LOC400499: variants seen among roughly 807,000 people sequenced by gnomAD.
At chr16:11,447,028 G>T in the LOC400499 span, 1 of 1,222,864 alleles carries the variant, frequency 8.2e-7, no homozygotes, top group African/African-American at 1.5e-5. Context: ...TTAAGACTCT[G>T]CCACAGAGAA....
chr16:11,422,173 G>A, the LOC400499 span, among the ~76,000 whole-genome samples: 1 of 152,324 alleles, frequency 6.6e-6, no homozygotes, highest in South Asian at 2.1e-4. Context: ...GGCCGAAACG[G>A]GCCGATCACT....
At chr16:11,399,374 C>G in the LOC400499 span, 1 of 738,996 alleles carries the variant, frequency 1.4e-6, no homozygotes, top group Non-Finnish European at 1.9e-6. Flanking sequence ...CCCGCAAGCA[C>G]TGGAACCCAG....
chr16:11,374,549 C>T, the LOC400499 span, among the ~76,000 whole-genome samples: 9 of 152,178 alleles, frequency 5.9e-5, no homozygotes, highest in Non-Finnish European at 1.2e-4. Flanking sequence ...ACTTATTACT[C>T]GAGGTCCTTC....
the LOC400499 span, among the ~76,000 whole-genome samples, chr16:11,456,043 ATT>A: frequency 1.4e-5 from 2 of 142,390 alleles, no homozygotes; most frequent in Non-Finnish European, 3.0e-5. Flanking sequence ...CGTGGATAAA[ATT>A]TTTTTTTTTT....
At chr16:11,419,294 C>T in the LOC400499 span, among the ~76,000 whole-genome samples, 77 of 152,028 alleles carry the variant, frequency 5.1e-4, 1 homozygote, top group African/African-American at 1.8e-3. Flanking sequence ...GAAATAACGC[C>T]GCTTATCTAC....
the LOC400499 span, chr16:11,446,490 G>A: frequency 4.1e-6 from 6 of 1,452,934 alleles, no homozygotes; most frequent in Non-Finnish European, 5.6e-6. Flanking sequence ...ATTGAGCGAT[G>A]ACAGCAACTT....
chr16:11,384,223 G>GCCAGGCTGAGCTCCT, the LOC400499 span: 4 of 1,231,634 alleles, frequency 3.2e-6, no homozygotes, highest in African/African-American at 6.2e-5. Flanking sequence ...CACCTGCCAG[G>GCCAGGCTGAGCTCCT]CCAGGCTGAG....
chr16:11,523,102 C>T, the LOC400499 span, among the ~76,000 whole-genome samples: 1 of 152,304 alleles, frequency 6.6e-6, no homozygotes, highest in South Asian at 2.1e-4. Context: ...TCATCTGCTC[C>T]ACTCCAAAAT....
the LOC400499 span, chr16:11,385,063 G>C: frequency 8.1e-7 from 1 of 1,231,798 alleles, no homozygotes; most frequent in African/African-American, 1.6e-5. Flanking sequence ...ACAGCCTGTA[G>C]GCCTGTGGGC....
At chr16:11,413,635 G>A in the LOC400499 span, among the ~76,000 whole-genome samples, 1 of 152,158 alleles carries the variant, frequency 6.6e-6, no homozygotes, top group East Asian at 1.9e-4. Flanking sequence ...AACTTGCTAG[G>A]TGACCTTGGG....
the LOC400499 span, among the ~76,000 whole-genome samples, chr16:11,506,020 C>T: frequency 6.6e-6 from 1 of 151,952 alleles, no homozygotes; most frequent in South Asian, 2.1e-4. Flanking sequence ...TATGCTAAAA[C>T]AACTTTATTT....
the LOC400499 span, among the ~76,000 whole-genome samples, chr16:11,378,229 G>C: frequency 6.8e-6 from 1 of 146,282 alleles, no homozygotes; most frequent in Non-Finnish European, 1.5e-5. Flanking sequence ...GTGTCACTGT[G>C]CCTGGCTGCT....
At chr16:11,391,602 C>G in the LOC400499 span, 2 of 1,212,980 alleles carry the variant, frequency 1.6e-6, no homozygotes, top group East Asian at 6.3e-5. Flanking sequence ...GCGCTTAGGG[C>G]CCCGGTGGAG....
chr16:11,412,762 G>A, the LOC400499 span: 4 of 397,894 alleles, frequency 1.0e-5, no homozygotes, highest in African/African-American at 2.1e-5. Flanking sequence ...GAGAGGTGCT[G>A]TGTCCAGCGA....
At chr16:11,394,266 G>A in the LOC400499 span, among the ~76,000 whole-genome samples, 3 of 152,240 alleles carry the variant, frequency 2.0e-5, no homozygotes, top group Admixed American at 6.5e-5. Flanking sequence ...GGCACGGCAG[G>A]GACCAGGACA....
chr16:11,423,276 G>A, the LOC400499 span: 3 of 399,016 alleles, frequency 7.5e-6, no homozygotes, highest in Non-Finnish European at 1.3e-5. Context: ...CCAGTGGGTG[G>A]GAAGGGGCTG....
the LOC400499 span, among the ~76,000 whole-genome samples, chr16:11,466,752 C>A: frequency 6.6e-6 from 1 of 152,070 alleles, no homozygotes; most frequent in African/African-American, 2.4e-5. Context: ...GTTCTATACC[C>A]TTTCATAGCT....
the LOC400499 span, among the ~76,000 whole-genome samples, chr16:11,504,258 T>A: frequency 6.6e-6 from 1 of 152,122 alleles, no homozygotes; most frequent in African/African-American, 2.4e-5. Flanking sequence ...GGCTCCTGCC[T>A]AGAAATCAAG....
At chr16:11,408,034 G>A in the LOC400499 span, among the ~76,000 whole-genome samples, 4 of 128,158 alleles carry the variant, frequency 3.1e-5, no homozygotes, top group Admixed American at 2.8e-4. Flanking sequence ...GGCTGCTGAA[G>A]TGCAGTGGCA....
Sources: allele counts gnomAD v4.1 joint callset (sites outside exome capture counted in the v4.1 genomes callset), GRCh38; gene constraint gnomAD v4.1.1; transcripts MANE v1.5.